Variants in HS3ST4 observed in about 807,000 individuals in gnomAD.
HS3ST4 encodes the protein heparan sulfate glucosamine 3-O-sulfotransferase 4.
HS3ST4 carries 17 observed loss-of-function variants against 29.2 expected under a neutral mutation model. The observed-to-expected ratio is 0.58, with a 90% CI of 0.40 to 0.87. HS3ST4 has a LOEUF of 0.87. HS3ST4 is among the 40% of genes least tolerant of loss of function. HS3ST4 has a pLI of 0.00. For missense variants in HS3ST4, 627 were observed against 634.5 expected (o/e 0.99, Z 0.13); for synonymous variants, 314 against 285.7 (o/e 1.10, Z -1.00).
intron 1 of HS3ST4, among the ~76,000 whole-genome samples, chr16:25,775,334 G>C (rs557601986): frequency 2.0e-5 from 3 of 152,156 alleles, no homozygotes; most frequent in Non-Finnish European, 4.4e-5. Flanking sequence ...AAGACAGCAC[G>C]TGACTACAGA....
intron 1 of HS3ST4, among the ~76,000 whole-genome samples, chr16:25,741,365 T>TAAAAGAAAA (rs1966650791): frequency 1.5e-5 from 1 of 66,186 alleles, no homozygotes; most frequent in Non-Finnish European, 2.6e-5. Flanking sequence ...GAATTCAAGG[T>TAAAAGAAAA]AAAAAAAAAA....
At chr16:26,030,187 T>C (rs1969519112) in intron 1 of HS3ST4, among the ~76,000 whole-genome samples, 1 of 152,230 alleles carries the variant, frequency 6.6e-6, no homozygotes, top group Non-Finnish European at 1.5e-5. Context: ...TTAGCTCTGC[T>C]CATCTCTAGC....
At chr16:25,912,865 T>C (rs1455735063) in intron 1 of HS3ST4, among the ~76,000 whole-genome samples, 1 of 152,190 alleles carries the variant, frequency 6.6e-6, no homozygotes, top group South Asian at 2.1e-4. Context: ...CCATAATACA[T>C]TGGGTATCTG....
chr16:25,705,417 G>A (rs1179816308), intron 1 of HS3ST4, among the ~76,000 whole-genome samples: 1 of 152,130 alleles, frequency 6.6e-6, no homozygotes. Flanking sequence ...TGTAATCCCA[G>A]CACTTTGGGA....
At chr16:25,761,872 T>C (rs1216772358) in intron 1 of HS3ST4, among the ~76,000 whole-genome samples, 1 of 152,196 alleles carries the variant, frequency 6.6e-6, no homozygotes, top group Non-Finnish European at 1.5e-5. Context: ...GAGGTAGATA[T>C]TACCTTTCTC....
intron 1 of HS3ST4, among the ~76,000 whole-genome samples, chr16:25,923,390 G>A (rs1207122244): frequency 1.3e-5 from 2 of 152,102 alleles, no homozygotes; most frequent in African/African-American, 2.4e-5. Flanking sequence ...GCAAGCTCAG[G>A]GCTTGGCTTG....
intron 1 of HS3ST4, among the ~76,000 whole-genome samples, chr16:26,079,867 A>T (rs1446430355): frequency 2.0e-5 from 3 of 152,198 alleles, no homozygotes; most frequent in Non-Finnish European, 4.4e-5. Context: ...CAATGTAAAC[A>T]TGGATAGTAA....
intron 1 of HS3ST4, among the ~76,000 whole-genome samples, chr16:25,891,108 C>T (rs1238772962): frequency 6.6e-6 from 1 of 152,142 alleles, no homozygotes; most frequent in Non-Finnish European, 1.5e-5. Flanking sequence ...TGGCTGTGGG[C>T]ACTCAGAAAG....
At position 25,692,487 on chromosome 16, in the gene HS3ST4, G is replaced by C; in HGVS notation, c.70G>C (p.Gly24Arg). The C allele has an allele frequency of 2.2e-6, 3 of 1,366,994 alleles. No individual in the cohort carries two copies. Among genetic ancestry groups the C allele is most frequent in the South Asian group, 1.5e-5 (1 of 66,028 alleles). The allele number at this position is 1,366,994 out of a possible 1,614,324, so 84.7% of individuals were successfully genotyped here. The change falls in exon 1 of 2, where the codon GGC becomes CGC. Residue 24 changes from glycine (G) to arginine (R), a missense_variant. Physicochemically the swap from Gly to Arg is moderately radical, Grantham distance 125 (BLOSUM62 -2). Transcript: ENST00000331351. ...ACCTCTGGCCGCGCCGCCGCCGCCCGGCGCCTCTGCTAAGGGGCCGCCGGC... is the reference window on the plus strand; with the variant it reads ...ACCTCTGGCCGCGCCGCCGCCGCCCCGCGCCTCTGCTAAGGGGCCGCCGGC... ...PPPLAAPPPP[G>R]ASAKGPPARK...
chr16:26,124,424 T>C (rs973200251), intron 1 of HS3ST4, among the ~76,000 whole-genome samples: 11 of 152,228 alleles, frequency 7.2e-5, no homozygotes, highest in African/African-American at 2.4e-4. Flanking sequence ...TAAGCAATTG[T>C]ATATAGTTCT....
In HS3ST4 at chr16:25,709,866, C is replaced by T. The variant is rs62034427; in HGVS notation, c.734+16715C>T. On this transcript the variant is annotated intron_variant, in intron 1 of 1. Coordinates refer to ENST00000331351, the MANE Select transcript of HS3ST4 (RefSeq NM_006040.3). ...ATTTTCATCCCTTCCTTAGCAACCC[C>T]TAGCAGCTGCCTAGAAAATTTTAAA... 6.6e-3 allele frequency among the ~76,000 whole-genome samples: 1,008 copies of T among 152,246 alleles called. 4 individuals are homozygous for T. The highest frequency in any genetic ancestry group is 0.01 in the Non-Finnish European group (703 of 68,010).
At chr16:25,848,126 G>A (rs1373423487) in intron 1 of HS3ST4, among the ~76,000 whole-genome samples, 4 of 151,918 alleles carry the variant, frequency 2.6e-5, no homozygotes, top group African/African-American at 9.7e-5. Flanking sequence ...GGGAGGGTTA[G>A]GTATTTGCTA....
intron 1 of HS3ST4, among the ~76,000 whole-genome samples, chr16:25,827,365 C>T (rs552760851): frequency 2.0e-5 from 3 of 152,256 alleles, no homozygotes. Flanking sequence ...CTGATCGACA[C>T]CTGCAGGTGT....
rs1967645510 is a variant in HS3ST4, at chr16:25,862,207, T to TTA, written c.734+169057_734+169058insAT. 2.0e-5 allele frequency among the ~76,000 whole-genome samples: 3 copies of TTA among 146,570 alleles called. No individual in the cohort carries two copies. The South Asian group carries it at 6.5e-4, about 32-fold the overall frequency. The stretch of plus-strand genomic sequence containing the variant: ...TTTATTTATTTATTTATTTATTTAT[T>TTA]TTTAAGACAGAGCCTCACTCTGTTG... On this transcript the variant is annotated intron_variant, in intron 1 of 1. Coordinates refer to ENST00000331351, the MANE Select transcript of HS3ST4 (RefSeq NM_006040.3).
chr16:25,839,555 A>G (rs1015758688), intron 1 of HS3ST4, among the ~76,000 whole-genome samples: 11 of 152,270 alleles, frequency 7.2e-5, no homozygotes, highest in African/African-American at 2.6e-4. Flanking sequence ...GTGATCTCCA[A>G]TTTCTGATAC....
chr16:25,812,907 G>A (rs1306428256), intron 1 of HS3ST4, among the ~76,000 whole-genome samples: 3 of 151,998 alleles, frequency 2.0e-5, no homozygotes, highest in Non-Finnish European at 4.4e-5. Flanking sequence ...CACTTTTAAG[G>A]TACAAGAGAT....
intron 1 of HS3ST4, chr16:25,886,808 A>AGGCAGGTGGGAGGTGG (rs1256595728): frequency 2.0e-5 from 3 of 152,246 alleles, no homozygotes; most frequent in African/African-American, 7.2e-5. Flanking sequence ...GTGGGAGGTG[A>AGGCAGGTGGGAGGTGG]GGCAGGTGGG....
In HS3ST4 at chr16:25,828,334, CTCTCTT is replaced by C. The variant is rs1967256824; in HGVS notation, c.734+135188_734+135193del. 3.9e-5 allele frequency among the ~76,000 whole-genome samples: 5 copies of C among 129,746 alleles called. 1 individual carries two copies. Among genetic ancestry groups the C allele is most frequent in the African/African-American group, 1.2e-4 (4 of 32,792 alleles). 85.1% of individuals were successfully genotyped at this position (129,746 alleles called of 152,430 possible). On this transcript the variant is annotated intron_variant, in intron 1 of 1. Coordinates refer to ENST00000331351, the MANE Select transcript of HS3ST4 (RefSeq NM_006040.3). ...TCTCTCTCTCTCTCTCTCTCTCTCT[CTCTCTT>C]TCTCCCTTTCTCTCTCTCTTTCCAG... is the stretch of plus-strand genomic sequence containing the variant.
intron 1 of HS3ST4, among the ~76,000 whole-genome samples, chr16:26,038,152 C>A (rs1195126251): frequency 1.3e-5 from 2 of 152,164 alleles, no homozygotes; most frequent in African/African-American, 4.8e-5. Context: ...TGTCCCTCAG[C>A]GACGTCAAGC....
Sources: gnomAD v4.1 joint callset for allele counts (sites outside exome capture counted in the v4.1 genomes callset) on GRCh38, gnomAD v4.1.1 for gene constraint, MANE v1.5 for transcripts, NCBI Gene and HGNC (gene_info 2026-07-23, HGNC 2026-07-21) for gene names.